AGBL2: variants seen among roughly 807,000 people sequenced by gnomAD.
AGBL2 encodes the protein AGBL carboxypeptidase 2, also known as cytosolic carboxypeptidase 2.
Under a neutral mutation model 103.0 loss-of-function variants are expected in AGBL2, and 87 were observed. The ratio of observed to expected loss-of-function variants is 0.84; its 90% CI spans 0.71 to 1.01. AGBL2 has a LOEUF of 1.01. Ranked by LOEUF, AGBL2 falls within the 50% of genes least tolerant of loss-of-function variation. The probability of loss-of-function intolerance (pLI) is 0.00; values close to 1 mark genes in which losing one functional copy is unlikely to be tolerated. For missense variants in AGBL2, 904 were observed against 1,023.5 expected (o/e 0.88, Z 1.59); for synonymous variants, 335 against 356.7 (o/e 0.94, Z 0.69).
chr11:47,680,109 T>A, intron 12 of AGBL2, 36 bp from the exon 13 acceptor site: 1 of 1,236,148 alleles, frequency 8.1e-7, no homozygotes, highest in Non-Finnish European at 1.2e-6. Flanking sequence ...CATTTCCAAT[T>A]AAATCTTAGT....
chr11:47,663,113 C>G lies in AGBL2; in HGVS notation c.2449-1G>C. 1 of 1,582,234 alleles carries G rather than the reference C, an allele frequency of 6.3e-7. No individual in the cohort carries two copies. Among genetic ancestry groups the G allele is most frequent in the Non-Finnish European group, 8.6e-7 (1 of 1,169,180 alleles). Reference sequence around the variant, plus strand: ...CTTTGTCTCTTCTATTTAAATTTGTCTAAAATAAATGAACATATCCTCACT... The same window carrying G: ...CTTTGTCTCTTCTATTTAAATTTGTGTAAAATAAATGAACATATCCTCACT... On this transcript the variant is annotated splice_acceptor_variant, in intron 17 of 18. Transcript: ENST00000525123. LOFTEE classifies it high-confidence loss of function.
At chr11:47,709,094 C>T (rs1352502955) in intron 4 of AGBL2, among the ~76,000 whole-genome samples, 1 of 152,164 alleles carries the variant, frequency 6.6e-6, no homozygotes, top group African/African-American at 2.4e-5. Flanking sequence ...TGTACTCCAG[C>T]CTGGGCGACA....
At position 47,690,610 on chromosome 11, in the gene AGBL2, T is replaced by C; in HGVS notation, c.1097A>G (p.Asn366Ser). The C allele has an allele frequency of 6.2e-7, 1 of 1,614,218 alleles. No homozygotes were observed. The highest frequency in any genetic ancestry group is 8.5e-7 in the Non-Finnish European group (1 of 1,180,038). The change falls in exon 10 of 19, where the codon AAC becomes AGC. Residue 366 changes from asparagine to serine, a missense_variant. Physicochemically the swap from Asn to Ser is conservative, Grantham distance 46. Coordinates refer to ENST00000525123, the MANE Select transcript of AGBL2 (RefSeq NM_024783.4). ...GAAGGGCTGCTGCCCATCATCCGTGTTGTTCTTGTAGTACTTGATTTCATT... is the reference window on the plus strand; with the variant it reads ...GAAGGGCTGCTGCCCATCATCCGTGCTGTTCTTGTAGTACTTGATTTCATT... ...EGNEIKYYKNNTDDGQQPFYC... is the reference protein window; with the variant it reads ...EGNEIKYYKNSTDDGQQPFYC...
chr11:47,695,110 A>G (rs767837391), intron 8 of AGBL2, among the ~76,000 whole-genome samples: 2 of 151,998 alleles, frequency 1.3e-5, no homozygotes, highest in South Asian at 2.1e-4. Context: ...AGATTGCGCC[A>G]CTGCACTCCA....
Position 47,704,631 on chromosome 11 carries a change from G to C in AGBL2, c.498C>G (p.Leu166=), listed in dbSNP as rs373862581. ...GCCTCTTGGTAGACAAAATGGAAAA[G>C]AGCTCTTGGGGTTCTCGAAGACGTG... ...VNPRLREPQE[L]FSILSTKRPL... The change falls in exon 7 of 19, where the codon CTC becomes CTG. Residue 166 remains leucine, a synonymous_variant. Transcript: ENST00000525123. 3 of 1,614,104 alleles carry C rather than the reference G, an allele frequency of 1.9e-6. No homozygotes were observed. The highest frequency in any genetic ancestry group is 4.5e-5 in the East Asian group (2 of 44,884).
intron 4 of AGBL2, among the ~76,000 whole-genome samples, chr11:47,708,058 T>C (rs904629809): frequency 6.6e-6 from 1 of 151,898 alleles, no homozygotes; most frequent in African/African-American, 2.4e-5. Flanking sequence ...TGCCACCATG[T>C]TCAGATTTAG....
At chr11:47,710,786 TC>T (rs1457536919) in intron 3 of AGBL2, 1 of 519,216 alleles carries the variant, frequency 1.9e-6, no homozygotes, top group African/African-American at 1.9e-5. Flanking sequence ...GCAGAAAGAT[TC>T]TGAAGCTACA....
At chr11:47,691,320 CA>C (rs1211404093) in intron 9 of AGBL2, among the ~76,000 whole-genome samples, 1 of 151,368 alleles carries the variant, frequency 6.6e-6, no homozygotes, top group Non-Finnish European at 1.5e-5. Context: ...ATGGTACTGC[CA>C]TAGAAAAACA....
chr11:47,704,443 A>C (rs1393434221), intron 7 of AGBL2, 100 bp downstream of exon 7: 4 of 1,046,528 alleles, frequency 3.8e-6, no homozygotes, highest in Non-Finnish European at 5.5e-6. Context: ...AGATTGCGCC[A>C]TTGCACTCCA....
intron 12 of AGBL2, among the ~76,000 whole-genome samples, chr11:47,681,325 C>T (rs2097400361): frequency 6.6e-6 from 1 of 151,388 alleles, no homozygotes; most frequent in South Asian, 2.1e-4. Context: ...GAAACCCTGT[C>T]TCAAAAAAAC....
chr11:47,702,990 A>G (rs2097504607), intron 7 of AGBL2, among the ~76,000 whole-genome samples: 1 of 152,194 alleles, frequency 6.6e-6, no homozygotes, highest in Non-Finnish European at 1.5e-5. Context: ...ATGCAACCCA[A>G]TTCCATAAAT....
Position 47,659,946 on chromosome 11 carries a change from C to T in AGBL2, c.*227G>A, listed in dbSNP as rs1054177466. 18 of 404,408 alleles carry T rather than the reference C, an allele frequency of 4.5e-5. No individual in the cohort carries two copies. In the Admixed American group the frequency reaches 5.5e-4, roughly 12 times the overall value. The allele number at this position is 404,408 out of a possible 1,614,324, so 25.1% of individuals were successfully genotyped here. ...TTCAGTTTCTGATAAAGCATTTTTA[C>T]ACATCATAATAAAATTTCATTTTAT... On this transcript the variant is annotated 3_prime_UTR_variant, in exon 19 of 19. Transcript: ENST00000525123.
Position 47,677,306 on chromosome 11 carries a change from A to G in AGBL2, c.2112T>C (p.Ser704=). 5.0e-6 allele frequency: 8 copies of G among 1,607,478 alleles called. No homozygotes were observed. The highest frequency in any genetic ancestry group is 5.9e-6 in the Non-Finnish European group (7 of 1,177,698). ...TGTCAGACAAAGAGATGTCACTCCAACTTCCTTCTAAATCTACATCTTGTC... is the reference window on the plus strand; with the variant it reads ...TGTCAGACAAAGAGATGTCACTCCAGCTTCCTTCTAAATCTACATCTTGTC... ...ELGQDVDLEG[S]WSDISLSDIE... is the part of the protein sequence containing the mutation. The change falls in exon 14 of 19, where the codon AGT becomes AGC. Residue 704 remains serine, a synonymous_variant. Coordinates refer to ENST00000525123, the MANE Select transcript of AGBL2 (RefSeq NM_024783.4).
chr11:47,690,749 A>G lies in AGBL2; in HGVS notation c.958T>C (p.Phe320Leu). Residue 320 changes from phenylalanine to leucine, a missense_variant, in exon 10 of 19, where the codon TTC becomes CTC. Phe to Leu is a conservative substitution (Grantham distance 22). Coordinates refer to ENST00000525123, the MANE Select transcript of AGBL2 (RefSeq NM_024783.4). ...GGTTTTAGCAAGTTGACAATGGTGA[A>G]GCGATAGGTAGCATCTTTTCTGGTG... Reference protein sequence around the residue: ...QNTRKDATYRFTIVNLLKPKS... With the variant: ...QNTRKDATYRLTIVNLLKPKS... The G allele has an allele frequency of 6.2e-7, 1 of 1,614,150 alleles. No individual in the cohort carries two copies.
chr11:47,688,053 C>A (rs1305305927), intron 10 of AGBL2, among the ~76,000 whole-genome samples: 1 of 152,042 alleles, frequency 6.6e-6, no homozygotes. Flanking sequence ...AGTGATCTGC[C>A]TGCTTCAGCC....
At chr11:47,712,688 T>C (rs1238805271) in intron 3 of AGBL2, among the ~76,000 whole-genome samples, 1 of 151,000 alleles carries the variant, frequency 6.6e-6, no homozygotes, top group African/African-American at 2.4e-5. Context: ...TGGATCACCT[T>C]AGGTCAGGAG....
At chr11:47,672,225 A>G (rs1235445637) in intron 14 of AGBL2, among the ~76,000 whole-genome samples, 1 of 152,138 alleles carries the variant, frequency 6.6e-6, no homozygotes, top group East Asian at 1.9e-4. Context: ...TGCTGGGATT[A>G]CAGACATGAG....
intron 15 of AGBL2, 90 bp from the exon 16 acceptor site, chr11:47,667,786 A>C (rs1411564206): frequency 3.5e-6 from 5 of 1,418,966 alleles, no homozygotes; most frequent in Non-Finnish European, 4.8e-6. Context: ...CTCAAGACAC[A>C]AAGGCTAACT....
chr11:47,702,022 A>C (rs2097501332), intron 7 of AGBL2, among the ~76,000 whole-genome samples: 1 of 151,216 alleles, frequency 6.6e-6, no homozygotes, highest in Non-Finnish European at 1.5e-5. Context: ...ATGGTGGTGC[A>C]CGCCTATAGT....
Sources: allele counts gnomAD v4.1 joint callset (sites outside exome capture counted in the v4.1 genomes callset), GRCh38; gene constraint gnomAD v4.1.1; transcripts MANE v1.5; gene names NCBI Gene and HGNC (gene_info 2026-07-23, HGNC 2026-07-21).